The following NCOR1 variants were observed in gnomAD, a reference collection of about 807,000 sequenced individuals.
NCOR1 encodes nuclear receptor corepressor 1.
A neutral mutation model predicts 288.1 loss-of-function variants in NCOR1; 63 were observed. The ratio of observed to expected loss-of-function variants is 0.22; its 90% CI spans 0.18 to 0.27. The LOEUF is 0.27. Among genes scored for constraint, NCOR1 ranks in the 10% least tolerant of loss-of-function variants. NCOR1 has a pLI of 1.00. For synonymous variants in NCOR1, 1,007 were observed against 1,065.9 expected, an observed-to-expected ratio of 0.94 and a Z score of 1.08; for missense variants, 2,397 against 3,019.2, an observed-to-expected ratio of 0.79 and a Z score of 4.83.
At chr17:16,092,647 T>TTTTATATATATATA (rs1340274279) in intron 21 of NCOR1, among the ~76,000 whole-genome samples, 3 of 32,132 alleles carry the variant, frequency 9.3e-5, no homozygotes, top group African/African-American at 3.9e-4. Context: ...TCAGATCCAT[T>TTTTATATATATATA]TATATATATA....
At chr17:16,132,930 C>CT (rs1379356836) in intron 14 of NCOR1, among the ~76,000 whole-genome samples, 1 of 147,578 alleles carries the variant, frequency 6.8e-6, no homozygotes. Flanking sequence ...TCTTCTTCTT[C>CT]TTTTTTCCCT....
chr17:16,077,088 T>C (rs2152783186), intron 26 of NCOR1, among the ~76,000 whole-genome samples: 1 of 152,244 alleles, frequency 6.6e-6, no homozygotes, highest in African/African-American at 2.4e-5. Context: ...GGGAAAATTC[T>C]TCCACAAGCA....
At chr17:16,126,330 T>G in intron 14 of NCOR1, 124 bp from the exon 15 acceptor site, 1 of 990,326 alleles carries the variant, frequency 1.0e-6, no homozygotes. Flanking sequence ...ATGTAACTGG[T>G]GATCGTGTGT....
chr17:16,203,219 T>C (rs1023506213), intron 1 of NCOR1, among the ~76,000 whole-genome samples: 2 of 152,302 alleles, frequency 1.3e-5, no homozygotes, highest in East Asian at 1.9e-4. Flanking sequence ...AACATGTCAC[T>C]CTCCTGCTTC....
chr17:16,192,650 C>T (rs538056823), intron 2 of NCOR1, among the ~76,000 whole-genome samples: 5 of 151,486 alleles, frequency 3.3e-5, no homozygotes, highest in African/African-American at 1.2e-4. Flanking sequence ...AGCAAAACTC[C>T]ATCTCAAAAA....
chr17:16,043,546 T>C (rs934581786), intron 42 of NCOR1, among the ~76,000 whole-genome samples: 5 of 152,214 alleles, frequency 3.3e-5, no homozygotes, highest in Non-Finnish European at 7.3e-5. Flanking sequence ...ACACCCAACA[T>C]AGTACGCTAC....
chr17:16,180,591 T>C (rs2085198484), intron 3 of NCOR1, among the ~76,000 whole-genome samples: 1 of 151,048 alleles, frequency 6.6e-6, no homozygotes, highest in African/African-American at 2.4e-5. Flanking sequence ...CTACAAAAAA[T>C]ACAAAAATCA....
In NCOR1 at chr17:16,073,412, T is replaced by G; in HGVS notation, c.3811+17A>C. 6.4e-7 allele frequency: 1 copy of G among 1,550,664 alleles called. No homozygotes were observed. Among genetic ancestry groups the G allele is most frequent in the African/African-American group, 1.4e-5 (1 of 72,194 alleles). ...AATAACATGTATCAAAATAACATTC[T>G]GAAAACAATGCTTTACCCTCTAACG... On this transcript the variant is annotated intron_variant, in intron 28 of 45. Transcript: ENST00000268712.
Position 16,039,451 on chromosome 17 carries a change from C to CT in NCOR1, c.6936_6937insA (p.Asp2313ArgfsTer24). On this transcript the variant is annotated frameshift_variant, in exon 44 of 46. Coordinates refer to ENST00000268712, the MANE Select transcript of NCOR1 (RefSeq NM_006311.4). LOFTEE classifies it high-confidence loss of function. The stretch of plus-strand genomic sequence containing the variant: ...GCTGTACCTGAATGAGGTGATGGGT[C>CT]CCCTTCCTCTCTTCGTGTCTCACCA... 6.2e-7 allele frequency: 1 copy of CT among 1,613,918 alleles called. No homozygotes were observed. The highest frequency in any genetic ancestry group is 8.5e-7 in the Non-Finnish European group (1 of 1,179,978).
At chr17:16,045,785 C>T (rs9909615) in intron 42 of NCOR1, among the ~76,000 whole-genome samples, 74,253 of 151,832 alleles carry the variant, frequency 0.49, 18,741 homozygotes, top group Middle Eastern at 0.57. Flanking sequence ...GGATTACAGG[C>T]GTGAGCCACC....
At chr17:16,081,241 T>G (rs1304167430) in intron 23 of NCOR1, among the ~76,000 whole-genome samples, 1 of 146,816 alleles carries the variant, frequency 6.8e-6, no homozygotes, top group Admixed American at 6.9e-5. Flanking sequence ...AGAGATTTGC[T>G]CTATCACCCA....
chr17:16,131,604 G>T (rs2075651354), intron 14 of NCOR1, among the ~76,000 whole-genome samples: 1 of 152,110 alleles, frequency 6.6e-6, no homozygotes, highest in Admixed American at 6.5e-5. Context: ...ACACGAGGAA[G>T]AAAATGAAAT....
intron 3 of NCOR1, among the ~76,000 whole-genome samples, chr17:16,181,332 G>A (rs2085436541): frequency 6.7e-6 from 1 of 149,602 alleles, no homozygotes; most frequent in Non-Finnish European, 1.5e-5. Flanking sequence ...AAACCACGCT[G>A]AAATAAGCCA....
chr17:16,098,059 T>C (rs1200510971), intron 21 of NCOR1, among the ~76,000 whole-genome samples: 1 of 152,154 alleles, frequency 6.6e-6, no homozygotes. Flanking sequence ...TGTGTTAAAT[T>C]CATAGAACCA....
intron 14 of NCOR1, among the ~76,000 whole-genome samples, chr17:16,129,096 T>C (rs953578231): frequency 6.6e-6 from 1 of 152,234 alleles, no homozygotes; most frequent in Non-Finnish European, 1.5e-5. Context: ...TCAAAATGCA[T>C]GTCAATGGCT....
intron 15 of NCOR1, among the ~76,000 whole-genome samples, chr17:16,125,744 G>A (rs1021647844): frequency 6.6e-6 from 1 of 150,620 alleles, no homozygotes; most frequent in African/African-American, 2.4e-5. Context: ...CAGCAACATG[G>A]ATCAAACTAA....
At chr17:16,164,889 T>A (rs1386208410) in intron 5 of NCOR1, 90 bp downstream of exon 5, 25 of 928,764 alleles carry the variant, frequency 2.7e-5, no homozygotes, top group Non-Finnish European at 2.5e-5. Flanking sequence ...ATTCCTTTTA[T>A]GTAAAGTTTC....
Position 16,086,372 on chromosome 17 carries a change from T to A in NCOR1, c.3087A>T (p.Pro1029=). The change falls in exon 23 of 46, where the codon CCA becomes CCT. Residue 1029 remains proline (P), a synonymous_variant. Coordinates refer to ENST00000268712, the MANE Select transcript of NCOR1 (RefSeq NM_006311.4). ...GGATGAGAGGGGGCGGTGGCCTGGT[T>A]GGTCGAGTTGTCGGAAGCCGAACGC... is the stretch of plus-strand genomic sequence containing the variant. The part of the protein sequence containing the change: ...PEGVRLPTTR[P]TRPPPPLIPS... 6.2e-7 allele frequency: 1 copy of A among 1,614,172 alleles called. No homozygotes were observed. Among genetic ancestry groups the A allele is most frequent in the Non-Finnish European group, 8.5e-7 (1 of 1,179,996 alleles).
intron 14 of NCOR1, among the ~76,000 whole-genome samples, chr17:16,136,748 A>G (rs1247272595): frequency 6.7e-6 from 1 of 149,490 alleles, no homozygotes; most frequent in Non-Finnish European, 1.5e-5. Flanking sequence ...CGGAGGTTGC[A>G]GTGAGCCAAG....
Sources: gnomAD v4.1 joint callset for allele counts (sites outside exome capture counted in the v4.1 genomes callset) on GRCh38, gnomAD v4.1.1 for gene constraint, MANE v1.5 for transcripts, NCBI Gene and HGNC (gene_info 2026-07-23, HGNC 2026-07-21) for gene names.